SERPINB10: variants seen among roughly 807,000 people sequenced by gnomAD.
SERPINB10 encodes the protein serpin B10.
A neutral mutation model predicts 39.1 loss-of-function variants in SERPINB10; 35 were observed. That is an observed-to-expected ratio of 0.90 (90% CI 0.68 to 1.19). The LOEUF (loss-of-function observed/expected upper bound fraction) is 1.19, where lower values mean the gene tolerates loss of function less well. SERPINB10 is among the 50% of genes most tolerant of loss of function. SERPINB10 has a pLI of 0.00. For missense variants in SERPINB10, 546 were observed against 460.5 expected (o/e 1.19, Z -1.70); for synonymous variants, 190 against 158.1 (o/e 1.20, Z -1.52).
chr18:63,921,532 A>G (rs56079168), intron 5 of SERPINB10, among the ~76,000 whole-genome samples: 16,957 of 151,822 alleles, frequency 0.11, 2,210 homozygotes, highest in African/African-American at 0.31. Flanking sequence ...CCTTTCCTCC[A>G]CAGCCTTTCT....
chr18:63,922,664 C>T (rs976142), intron 5 of SERPINB10, among the ~76,000 whole-genome samples: 16,949 of 151,862 alleles, frequency 0.11, 2,201 homozygotes, highest in African/African-American at 0.3. Flanking sequence ...TGGTCCTTGC[C>T]TTGCTTCCCC....
intron 6 of SERPINB10, among the ~76,000 whole-genome samples, chr18:63,930,673 G>A (rs539251755): frequency 6.6e-6 from 1 of 152,262 alleles, no homozygotes; most frequent in East Asian, 1.9e-4. Context: ...GCTGGGCCTT[G>A]GGACCTGATT....
intron 1 of SERPINB10, among the ~76,000 whole-genome samples, chr18:63,909,481 G>A (rs2050048626): frequency 6.6e-6 from 1 of 151,974 alleles, no homozygotes; most frequent in Non-Finnish European, 1.5e-5. Context: ...TCTCTTGTAT[G>A]TTCTGGGTAA....
rs17072097 is a variant in SERPINB10, at chr18:63,915,517, T to A, written c.7T>A (p.Ser3Thr). Residue 3 changes from serine (S) to threonine (T), a missense_variant, in exon 2 of 8, where the codon TCT (serine) becomes ACT (threonine). Coordinates refer to ENST00000238508, the MANE Select transcript of SERPINB10 (RefSeq NM_005024.3). ...TTTTTCTTAGGTTTCCTCAATGGAC[T>A]CTCTAGCAACATCAATCAACCAGTT... The part of the protein sequence containing the change: MD[S>T]LATSINQFAL... 1 of 1,600,598 alleles carries A rather than the reference T, an allele frequency of 6.2e-7. No individual in the cohort carries two copies. Among genetic ancestry groups the A allele is most frequent in the Admixed American group, 1.7e-5 (1 of 58,532 alleles).
chr18:63,921,428 T>G (rs2050145941), intron 5 of SERPINB10, among the ~76,000 whole-genome samples: 1 of 151,968 alleles, frequency 6.6e-6, no homozygotes, highest in African/African-American at 2.4e-5. Flanking sequence ...AATCACACAC[T>G]TGCCCAGAAC....
At chr18:63,914,493 G>A (rs906222703) in intron 1 of SERPINB10, among the ~76,000 whole-genome samples, 5 of 152,018 alleles carry the variant, frequency 3.3e-5, no homozygotes, top group Non-Finnish European at 5.9e-5. Flanking sequence ...TAACTTATTC[G>A]AGAAATTATT....
intron 5 of SERPINB10, among the ~76,000 whole-genome samples, chr18:63,920,407 T>C (rs190893786): frequency 2.0e-5 from 3 of 152,060 alleles, no homozygotes; most frequent in African/African-American, 7.2e-5. Flanking sequence ...TCTCAAATAA[T>C]AGTTCAAAGG....
At chr18:63,911,629 G>C (rs529992540) in intron 1 of SERPINB10, among the ~76,000 whole-genome samples, 1 of 152,096 alleles carries the variant, frequency 6.6e-6, no homozygotes, top group South Asian at 2.1e-4. Context: ...CTGTTCCATT[G>C]GCCTATGTGT....
rs141816738 is a variant in SERPINB10, at chr18:63,930,139, T to A, written c.585T>A (p.His195Gln). Residue 195 changes from histidine to glutamine, a missense_variant, in exon 6 of 8, where the codon CAT becomes CAA. By Grantham distance (24) the His-to-Gln change is conservative. Transcript: ENST00000238508. Reference sequence around the variant, plus strand: ...TATACTTTAAAGGAATCTGGGAACATCAATTCTTAGTGCAAAACACCACAG... The same window carrying A: ...TATACTTTAAAGGAATCTGGGAACAACAATTCTTAGTGCAAAACACCACAG... ...NALYFKGIWEHQFLVQNTTEK... is the reference protein window; with the variant it reads ...NALYFKGIWEQQFLVQNTTEK... 160 of 1,613,458 alleles carry A rather than the reference T, an allele frequency of 9.9e-5. No homozygotes were observed. The highest frequency in any genetic ancestry group is 1.3e-4 in the Non-Finnish European group (155 of 1,179,668).
intron 2 of SERPINB10, among the ~76,000 whole-genome samples, 176 bp from the exon 3 acceptor site, chr18:63,917,279 TA>T (rs2050110355): frequency 2.0e-5 from 3 of 152,070 alleles, no homozygotes; most frequent in African/African-American, 4.8e-5. Context: ...AAAATTTATT[TA>T]AGAGCAGTTC....
chr18:63,918,904 A>G (rs1054264925), intron 4 of SERPINB10, among the ~76,000 whole-genome samples: 1 of 152,018 alleles, frequency 6.6e-6, no homozygotes, highest in African/African-American at 2.4e-5. Context: ...ACAGAGATAG[A>G]GACAAACATA....
At position 63,908,885 on chromosome 18, in the gene SERPINB10, C is replaced by T. The variant is rs114475012; in HGVS notation, c.-10+845C>T. On this transcript the variant is annotated intron_variant, in intron 1 of 7. Transcript: ENST00000238508. Reference sequence around the variant, plus strand: ...CTGATGGTTCTCCATCATGTAATCTCTCTCTTTAGCCACTAAAATCTTAAA... The same window carrying T: ...CTGATGGTTCTCCATCATGTAATCTTTCTCTTTAGCCACTAAAATCTTAAA... Among the ~76,000 whole-genome samples, 858 of 152,168 alleles carry T rather than the reference C, an allele frequency of 5.6e-3. 10 individuals are homozygous for T. Among genetic ancestry groups the T allele is most frequent in the African/African-American group, 0.019 (799 of 41,546 alleles).
At chr18:63,930,672 T>G (rs1183165599) in intron 6 of SERPINB10, among the ~76,000 whole-genome samples, 2 of 152,164 alleles carry the variant, frequency 1.3e-5, no homozygotes, top group African/African-American at 4.8e-5. Flanking sequence ...GGCTGGGCCT[T>G]GGGACCTGAT....
At chr18:63,929,684 T>C (rs73961821) in intron 5 of SERPINB10, among the ~76,000 whole-genome samples, 66 of 129,568 alleles carry the variant, frequency 5.1e-4, no homozygotes, top group Non-Finnish European at 7.9e-4. Flanking sequence ...TGTAATTTTC[T>C]GGAAATAAAA....
At position 63,935,400 on chromosome 18, in the gene SERPINB10, C is replaced by A; in HGVS notation, c.*158C>A. On this transcript the variant is annotated 3_prime_UTR_variant, in exon 8 of 8. Transcript: ENST00000238508. The stretch of plus-strand genomic sequence containing the variant: ...TCTTGAAATAATGCATTCTAATGAT[C>A]CTGTCATATCTGTACAGCTGGAGAG... 1.5e-6 allele frequency: 1 copy of A among 688,360 alleles called. No homozygotes were observed. Among genetic ancestry groups the A allele is most frequent in the Non-Finnish European group, 2.4e-6 (1 of 424,022 alleles). 42.6% of individuals were successfully genotyped at this position (688,360 alleles called of 1,614,324 possible).
chr18:63,927,664 A>G (rs1173328255), intron 5 of SERPINB10, among the ~76,000 whole-genome samples: 1 of 152,120 alleles, frequency 6.6e-6, no homozygotes, highest in African/African-American at 2.4e-5. Flanking sequence ...CACACTGAAC[A>G]TTAGGTTCCA....
chr18:63,933,863 GCA>G (rs1259911323), intron 7 of SERPINB10, among the ~76,000 whole-genome samples: 1 of 152,112 alleles, frequency 6.6e-6, no homozygotes, highest in Non-Finnish European at 1.5e-5. Flanking sequence ...GTCTTTCTTT[GCA>G]CAGTGTCTAA....
intron 5 of SERPINB10, among the ~76,000 whole-genome samples, chr18:63,920,873 T>C (rs994002418): frequency 6.6e-6 from 1 of 151,936 alleles, no homozygotes; most frequent in Non-Finnish European, 1.5e-5. Context: ...AATTTCAGGG[T>C]TTTATTTCTA....
chr18:63,919,445 C>A (rs888199329), intron 4 of SERPINB10, among the ~76,000 whole-genome samples: 5 of 152,002 alleles, frequency 3.3e-5, no homozygotes, highest in Admixed American at 3.3e-4. Context: ...TACCTCTTGG[C>A]CACTGGGGTC....
Sources: gnomAD v4.1 joint callset for allele counts (sites outside exome capture counted in the v4.1 genomes callset) on GRCh38, gnomAD v4.1.1 for gene constraint, MANE v1.5 for transcripts, NCBI Gene and HGNC (gene_info 2026-07-23, HGNC 2026-07-21) for gene names.